Variants in ZNF766 observed in about 807,000 individuals in gnomAD.
The protein encoded by ZNF766 is zinc finger protein 766.
In ZNF766, 13 loss-of-function variants were observed where a neutral mutation model predicts 13.2. The ratio of observed to expected loss-of-function variants is 0.98; its 90% CI spans 0.64 to 1.56. ZNF766 has a LOEUF of 1.56. Among genes scored for constraint, ZNF766 ranks in the 40% most tolerant of loss-of-function variants. The probability of loss-of-function intolerance (pLI) is 0.00; values close to 1 mark genes in which losing one functional copy is unlikely to be tolerated. For missense variants in ZNF766, 521 were observed against 552.2 expected (o/e 0.94, Z 0.57); for synonymous variants, 178 against 187.6 (o/e 0.95, Z 0.42).
rs369612489 is a variant in ZNF766, at chr19:52,283,377, C to T, written c.238C>T (p.Pro80Ser). The T allele has an allele frequency of 1.2e-6, 2 of 1,610,330 alleles. No homozygotes were observed. The highest frequency in any genetic ancestry group is 1.7e-6 in the Non-Finnish European group (2 of 1,177,974). The change falls in exon 3 of 4, where the codon CCA becomes TCA. Residue 80 changes from proline (P) to serine (S), a missense_variant. Pro to Ser is a moderately conservative substitution (Grantham distance 74, BLOSUM62 -1). Transcript: ENST00000439461. ...GAATGAAATGAAAGTAGCAAAAAAT[C>T]CAGATAGGTGGGAAGGTATCAAAGA... is the stretch of plus-strand genomic sequence containing the variant. ...VENEMKVAKNPDRWEGIKDIN... is the reference protein window; with the variant it reads ...VENEMKVAKNSDRWEGIKDIN...
intron 3 of ZNF766, among the ~76,000 whole-genome samples, chr19:52,288,497 A>T (rs929175859): frequency 6.6e-6 from 1 of 152,064 alleles, no homozygotes. Context: ...CCTCCTGCGT[A>T]GTTGGGACTA....
intron 1 of ZNF766, chr19:52,281,818 A>T: frequency 1.9e-6 from 1 of 526,024 alleles, no homozygotes; most frequent in Non-Finnish European, 3.9e-6. Context: ...TTCATTGTCT[A>T]CCTGAGCTAG....
chr19:52,278,271 G>A (rs1225791578), intron 1 of ZNF766, among the ~76,000 whole-genome samples: 1 of 152,118 alleles, frequency 6.6e-6, no homozygotes, highest in Non-Finnish European at 1.5e-5. Flanking sequence ...TCTGACTAAT[G>A]AGATGGTATC....
chr19:52,277,031 T>G, intron 1 of ZNF766: 1 of 866,300 alleles, frequency 1.2e-6, no homozygotes, highest in Non-Finnish European at 1.4e-6. Context: ...GCATCAACTC[T>G]GATGCAGTGG....
At chr19:52,278,984 C>T (rs1981350315) in intron 1 of ZNF766, among the ~76,000 whole-genome samples, 1 of 152,130 alleles carries the variant, frequency 6.6e-6, no homozygotes, top group African/African-American at 2.4e-5. Context: ...CCTAAGTTGT[C>T]TTCCAAGGTT....
intron 1 of ZNF766, among the ~76,000 whole-genome samples, chr19:52,275,398 A>T (rs966095086): frequency 6.6e-6 from 1 of 152,242 alleles, no homozygotes; most frequent in African/African-American, 2.4e-5. Flanking sequence ...CAAAAAGTTA[A>T]ATTTAAAAGT....
At chr19:52,277,195 C>T (rs940478028) in intron 1 of ZNF766, 9 of 1,187,338 alleles carry the variant, frequency 7.6e-6, no homozygotes, top group Non-Finnish European at 9.5e-6. Context: ...CGCGGGGGCT[C>T]ATACCTGTAA....
chr19:52,277,607 T>C (rs1280953808), intron 1 of ZNF766: 34 of 1,499,604 alleles, frequency 2.3e-5, no homozygotes, highest in Non-Finnish European at 9.9e-6. Context: ...GGTGCTGGAG[T>C]TGAGAATCTT....
At chr19:52,277,356 G>GGC in intron 1 of ZNF766, 1 of 1,028,630 alleles carries the variant, frequency 9.7e-7, no homozygotes, top group Non-Finnish European at 1.4e-6. Flanking sequence ...CTACTCAGGA[G>GGC]GCTGAGGCAG....
Position 52,290,070 on chromosome 19 carries a change from G to C in ZNF766, c.279G>C (p.Arg93Ser). The C allele has an allele frequency of 6.2e-7, 1 of 1,602,154 alleles. No homozygotes were observed. Among genetic ancestry groups the C allele is most frequent in the Non-Finnish European group, 8.5e-7 (1 of 1,173,728 alleles). ...ACTCTTTACTTGCTTTCCTAGGGAG[G>C]AGCTGTGCAGTGAGAAGCAAAGCAG... ...WEGIKDINTG[R>S]SCAVRSKAGN... Residue 93 changes from arginine (R) to serine (S), a missense_variant, in exon 4 of 4, where the codon AGG becomes AGC. Arg to Ser is a moderately radical substitution (Grantham distance 110). Coordinates refer to ENST00000439461, the MANE Select transcript of ZNF766 (RefSeq NM_001010851.3).
At chr19:52,273,984 A>G (rs1019183015) in intron 1 of ZNF766, among the ~76,000 whole-genome samples, 1 of 152,232 alleles carries the variant, frequency 6.6e-6, no homozygotes, top group Non-Finnish European at 1.5e-5. Flanking sequence ...CTTATCTGCC[A>G]GTGTACTTTT....
chr19:52,289,880 A>C (rs1160695587), intron 3 of ZNF766, among the ~76,000 whole-genome samples, 186 bp from the exon 4 acceptor site: 1 of 152,198 alleles, frequency 6.6e-6, no homozygotes, highest in Non-Finnish European at 1.5e-5. Flanking sequence ...GGACGCCTGT[A>C]GTCCCAGCTA....
chr19:52,288,676 G>T (rs59264782), intron 3 of ZNF766, among the ~76,000 whole-genome samples: 12,828 of 149,340 alleles, frequency 0.086, 1,199 homozygotes, highest in African/African-American at 0.23. Context: ...TTATAGGTGT[G>T]AGCCACCACA....
chr19:52,282,372 A>T (rs1981572376), intron 2 of ZNF766, 135 bp downstream of exon 2: 1 of 1,099,354 alleles, frequency 9.1e-7, no homozygotes, highest in African/African-American at 1.6e-5. Flanking sequence ...ACGGTGGCTC[A>T]TGCCTGTAAT....
At chr19:52,272,291 C>G (rs905340654) in intron 1 of ZNF766, among the ~76,000 whole-genome samples, 4 of 152,072 alleles carry the variant, frequency 2.6e-5, no homozygotes, top group Non-Finnish European at 5.9e-5. Context: ...CTCATCTTTT[C>G]GTCTTAGCAA....
At chr19:52,276,717 AG>A (rs894075445) in intron 1 of ZNF766, among the ~76,000 whole-genome samples, 13 of 152,308 alleles carry the variant, frequency 8.5e-5, no homozygotes, top group Admixed American at 8.5e-4. Context: ...TCATTCACTC[AG>A]GGTTTTGCAA....
chr19:52,284,594 A>G (rs1353094519), intron 3 of ZNF766, among the ~76,000 whole-genome samples: 1 of 152,046 alleles, frequency 6.6e-6, no homozygotes, highest in African/African-American at 2.4e-5. Context: ...TGGTGACACT[A>G]TCTACCTGAG....
chr19:52,290,225 C>A lies in ZNF766; in HGVS notation c.434C>A (p.Ser145Ter). 1 of 1,613,982 alleles carries A rather than the reference C, an allele frequency of 6.2e-7. No individual in the cohort carries two copies. The highest frequency in any genetic ancestry group is 8.5e-7 in the Non-Finnish European group (1 of 1,179,902). Residue 145 changes from serine to a stop codon, truncating the protein, a stop_gained, in exon 4 of 4, where the codon TCA (serine) becomes TAA (stop). Coordinates refer to ENST00000439461, the MANE Select transcript of ZNF766 (RefSeq NM_001010851.3). LOFTEE classifies it low-confidence loss of function (END_TRUNC). Reference sequence around the variant, plus strand: ...CAAAAGTTCATCAGCCACAGTTCTTCAGTTTCGCCACTTCAAAGAATTTAC... The same window carrying A: ...CAAAAGTTCATCAGCCACAGTTCTTAAGTTTCGCCACTTCAAAGAATTTAC... ...QVQKFISHSS[S>*]VSPLQRIYSG...
In ZNF766 at chr19:52,291,236, A is replaced by G; in HGVS notation, c.*38A>G. Reference sequence around the variant, plus strand: ...CTATCATAAGTTCTAGCAGTAATCAACATCCGAGAGTCTATACTAGAAAGA... The same window carrying G: ...CTATCATAAGTTCTAGCAGTAATCAGCATCCGAGAGTCTATACTAGAAAGA... On this transcript the variant is annotated 3_prime_UTR_variant, in exon 4 of 4. Coordinates refer to ENST00000439461, the MANE Select transcript of ZNF766 (RefSeq NM_001010851.3). 1 of 1,521,654 alleles carries G rather than the reference A, an allele frequency of 6.6e-7. No individual in the cohort carries two copies. The highest frequency in any genetic ancestry group is 8.8e-7 in the Non-Finnish European group (1 of 1,134,730). The allele number at this position is 1,521,654 out of a possible 1,614,324, so 94.3% of individuals were successfully genotyped here.
Sources: allele counts gnomAD v4.1 joint callset (sites outside exome capture counted in the v4.1 genomes callset), GRCh38; gene constraint gnomAD v4.1.1; transcripts MANE v1.5; gene names NCBI Gene and HGNC (gene_info 2026-07-23, HGNC 2026-07-21).